Variants in NAV2 observed in about 807,000 individuals in gnomAD.
NAV2 encodes helicase, APC down-regulated 1.
A neutral mutation model predicts 223.2 loss-of-function variants in NAV2; 54 were observed. The observed-to-expected ratio is 0.24, with a 90% CI of 0.19 to 0.30. NAV2 has a LOEUF of 0.30. Among genes scored for constraint, NAV2 ranks in the 10% least tolerant of loss-of-function variants. The probability of loss-of-function intolerance (pLI) is 1.00; values close to 1 mark genes in which losing one functional copy is unlikely to be tolerated. For missense variants in NAV2, 2,806 were observed against 3,147.5 expected (o/e 0.89, Z 2.60); for synonymous variants, 1,279 against 1,239.3 (o/e 1.03, Z -0.67).
chr11:19,827,754 G>C (rs943959193), intron 1 of NAV2, among the ~76,000 whole-genome samples: 3 of 152,052 alleles, frequency 2.0e-5, no homozygotes, highest in African/African-American at 7.2e-5. Context: ...TTAAAAACAG[G>C]CATGCTTAAT....
chr11:19,390,502 C>A (rs1329270963), intron 1 of NAV2, among the ~76,000 whole-genome samples: 1 of 152,006 alleles, frequency 6.6e-6, no homozygotes, highest in Non-Finnish European at 1.5e-5. Context: ...TCAGGGTGAA[C>A]AATATAGGCA....
At chr11:19,929,292 C>A (rs967657489) in intron 6 of NAV2, among the ~76,000 whole-genome samples, 3 of 152,032 alleles carry the variant, frequency 2.0e-5, no homozygotes, top group African/African-American at 4.8e-5. Flanking sequence ...GAGGAACAGG[C>A]CCCAAACAGC....
In NAV2 at chr11:19,950,235, T is replaced by G. The variant is rs370594711; in HGVS notation, c.2645+1155T>G. Among the ~76,000 whole-genome samples, 43 of 152,348 alleles carry G rather than the reference T, an allele frequency of 2.8e-4. 2 individuals are homozygous for G. The South Asian group carries it at 8.1e-3, about 29-fold the overall frequency. On this transcript the variant is annotated intron_variant, in intron 10 of 37. Transcript: ENST00000349880. The stretch of plus-strand genomic sequence containing the variant: ...ATGAAAATAATGATCAAGAACCCAA[T>G]GGGTGAGCCAGTATTTTTATAATTT...
intron 1 of NAV2, among the ~76,000 whole-genome samples, chr11:19,516,930 C>T (rs1043150104): frequency 1.3e-5 from 2 of 152,076 alleles, no homozygotes; most frequent in Non-Finnish European, 2.9e-5. Context: ...GAAATTTCAC[C>T]TGGGCATGGT....
intron 1 of NAV2, among the ~76,000 whole-genome samples, chr11:19,403,988 G>A (rs1295580838): frequency 6.6e-6 from 1 of 152,152 alleles, no homozygotes; most frequent in African/African-American, 2.4e-5. Context: ...AGGCCACGAG[G>A]TAGTAGCAGA....
At chr11:19,848,844 C>T (rs2060954332) in intron 3 of NAV2, among the ~76,000 whole-genome samples, 1 of 152,190 alleles carries the variant, frequency 6.6e-6, no homozygotes. Context: ...GCCTACATCT[C>T]TCTGAATGAT....
chr11:19,913,310 A>C (rs1003690031), intron 6 of NAV2, among the ~76,000 whole-genome samples: 1 of 152,210 alleles, frequency 6.6e-6, no homozygotes, highest in African/African-American at 2.4e-5. Flanking sequence ...TTTCCTGCTA[A>C]TTAGCATGAG....
At chr11:19,351,135 C>A in intron 1 of NAV2, 1 of 1,134,244 alleles carries the variant, frequency 8.8e-7, no homozygotes, top group Non-Finnish European at 1.3e-6. Flanking sequence ...TCTTTCTCTC[C>A]GGAAGGAGGT....
At chr11:19,891,947 A>T (rs1230159680) in intron 5 of NAV2, among the ~76,000 whole-genome samples, 1 of 152,056 alleles carries the variant, frequency 6.6e-6, no homozygotes, top group African/African-American at 2.4e-5. Context: ...GAAAAAAAAA[A>T]TGAACTTTGT....
chr11:19,709,798 A>G (rs1380498106), upstream of NAV2, among the ~76,000 whole-genome samples: 1 of 152,190 alleles, frequency 6.6e-6, no homozygotes, highest in African/African-American at 2.4e-5. Context: ...GTCACAAAAA[A>G]AAAGGAGATA....
intron 3 of NAV2, among the ~76,000 whole-genome samples, chr11:19,850,601 A>C (rs964451603): frequency 2.0e-5 from 3 of 152,208 alleles, no homozygotes; most frequent in African/African-American, 4.8e-5. Context: ...ATAGATATGT[A>C]GTGCTGTTCT....
intron 1 of NAV2, among the ~76,000 whole-genome samples, chr11:19,732,200 A>C (rs947013775): frequency 4.0e-5 from 6 of 151,830 alleles, no homozygotes; most frequent in Admixed American, 1.3e-4. Flanking sequence ...CGGAGGTTGC[A>C]GTGAGACGAA....
rs1590027483 is a variant in NAV2, at chr11:19,645,201, A to G, written c.76-187283A>G. ...TTTACAGATTCTAGAGGCTGGTCCT[A>G]TTCCTCAGCTTGTGGCCCCTTCCTC... On this transcript the variant is annotated intron_variant, in intron 1 of 37. Coordinates refer to the NAV2 transcript ENST00000360655. 3.9e-5 allele frequency among the ~76,000 whole-genome samples: 6 copies of G among 152,204 alleles called. No individual in the cohort carries two copies. The East Asian group carries it at 5.8e-4, about 15-fold the overall frequency.
At chr11:19,689,711 A>T (rs1346471427) in intron 1 of NAV2, among the ~76,000 whole-genome samples, 1 of 152,326 alleles carries the variant, frequency 6.6e-6, no homozygotes, top group African/African-American at 2.4e-5. Context: ...AAGCAGATGA[A>T]TTCAGCTAAT....
At chr11:19,889,733 A>C (rs528969336) in intron 5 of NAV2, among the ~76,000 whole-genome samples, 1 of 152,220 alleles carries the variant, frequency 6.6e-6, no homozygotes, top group African/African-American at 2.4e-5. Context: ...AGTTAATCCC[A>C]AACCACGGAT....
At chr11:20,010,546 G>A (rs961825167) in intron 11 of NAV2, among the ~76,000 whole-genome samples, 1 of 151,912 alleles carries the variant, frequency 6.6e-6, no homozygotes, top group African/African-American at 2.4e-5. Context: ...ATTCAAACAC[G>A]CCTCTCTGTC....
Position 19,424,981 on chromosome 11 carries a change from C to T in NAV2, c.75+73954C>T, listed in dbSNP as rs188084587. 1.3e-3 allele frequency among the ~76,000 whole-genome samples: 199 copies of T among 152,284 alleles called. 1 individual carries two copies. Among genetic ancestry groups the T allele is most frequent in the African/African-American group, 4.5e-3 (185 of 41,558 alleles). ...TTGATATTATGGGAATTCATTTATT[C>T]TTCCATTCAGTCAGTCATTCTATGG... is the stretch of plus-strand genomic sequence containing the variant. On this transcript the variant is annotated intron_variant, in intron 1 of 37. Transcript: ENST00000360655.
chr11:19,903,654 A>G (rs1442778998), intron 6 of NAV2, among the ~76,000 whole-genome samples: 3 of 136,442 alleles, frequency 2.2e-5, no homozygotes, highest in Non-Finnish European at 3.1e-5. Flanking sequence ...AAAGTTTAAG[A>G]AAAAAAAAAA....
chr11:19,785,380 T>A (rs920881755), intron 1 of NAV2, among the ~76,000 whole-genome samples: 1 of 152,196 alleles, frequency 6.6e-6, no homozygotes, highest in Non-Finnish European at 1.5e-5. Context: ...GAATTCCACC[T>A]GGAAAAGCCA....
Sources: gnomAD v4.1 joint callset for allele counts (sites outside exome capture counted in the v4.1 genomes callset) on GRCh38, gnomAD v4.1.1 for gene constraint, MANE v1.5 for transcripts, NCBI Gene and HGNC (gene_info 2026-07-23, HGNC 2026-07-21) for gene names.